The following PIK3CA variants were observed in gnomAD, a reference collection of about 807,000 sequenced individuals.
PIK3CA encodes the protein phosphatidylinositol 4,5-bisphosphate 3-kinase catalytic subunit alpha isoform.
A neutral mutation model predicts 138.2 loss-of-function variants in PIK3CA; 27 were observed. The ratio of observed to expected loss-of-function variants is 0.20; its 90% CI spans 0.14 to 0.27. The LOEUF (loss-of-function observed/expected upper bound fraction) is 0.27. Ranked by LOEUF, PIK3CA falls within the 10% of genes least tolerant of loss-of-function variation. The pLI, the probability that PIK3CA is intolerant of heterozygous loss-of-function variation, is 1.00. For missense variants in PIK3CA, 544 were observed against 1,277.4 expected (o/e 0.43, Z 8.75); for synonymous variants, 358 against 413.2 (o/e 0.87, Z 1.62).
At chr3:179,174,674 CTT>C (rs1723650987) in intron 1 of PIK3CA, among the ~76,000 whole-genome samples, 1 of 152,152 alleles carries the variant, frequency 6.6e-6, no homozygotes, top group African/African-American at 2.4e-5. Flanking sequence ...TTAGTTTTCT[CTT>C]ATAATTTTAA....
At chr3:179,193,656 C>G (rs1006565529) in intron 1 of PIK3CA, among the ~76,000 whole-genome samples, 2 of 152,216 alleles carry the variant, frequency 1.3e-5, no homozygotes, top group African/African-American at 4.8e-5. Context: ...ACACACTCTT[C>G]TAAGCAAATG....
At chr3:179,167,890 A>G (rs1045979593) in intron 1 of PIK3CA, among the ~76,000 whole-genome samples, 5 of 151,542 alleles carry the variant, frequency 3.3e-5, no homozygotes, top group Admixed American at 3.3e-4. Flanking sequence ...TCTTTTTTCT[A>G]TTGTGAAAAC....
chr3:179,162,108 T>C (rs1435654828), intron 1 of PIK3CA, among the ~76,000 whole-genome samples: 1 of 151,990 alleles, frequency 6.6e-6, no homozygotes, highest in Admixed American at 6.5e-5. Flanking sequence ...GAAATATACA[T>C]TTTATCTCTG....
chr3:179,219,682 GA>G lies in PIK3CA; in HGVS notation c.1863del (p.Lys621AsnfsTer3). The G allele has an allele frequency of 6.2e-7, 1 of 1,611,352 alleles. No homozygotes were observed. The highest frequency in any genetic ancestry group is 8.5e-7 in the Non-Finnish European group (1 of 1,178,024). On this transcript the variant is annotated frameshift_variant, in exon 12 of 21. Coordinates refer to ENST00000263967, the MANE Select transcript of PIK3CA (RefSeq NM_006218.4). LOFTEE classifies it high-confidence loss of function. The surrounding 1 kb of genome is among the most constrained non-coding windows in gnomAD (Gnocchi z 4.2). Reference protein sequence around the residue: ...MVRGFAVRCLEKYLTDDKLSQ... With the variant: ...MVRGFAVRCLXKYLTDDKLSQ... ...TCGAGGTTTTGCTGTTCGGTGCTTG[GA>G]AAAATATTTAACAGATGACAAACTT...
In PIK3CA at chr3:179,204,495, T is replaced by G. The variant is rs1724505158; in HGVS notation, c.1060-8T>G. On this transcript the variant is annotated splice_region_variant and splice_polypyrimidine_tract_variant and intron_variant, in intron 5 of 20. Coordinates refer to ENST00000263967, the MANE Select transcript of PIK3CA (RefSeq NM_006218.4). ...ATACATTAGTATATACCTACTTTTT[T>G]CTTTTAGATCTATGTTCGAACAGGT... The G allele has an allele frequency of 6.9e-7, 1 of 1,443,138 alleles. No individual in the cohort carries two copies. The highest frequency in any genetic ancestry group is 9.8e-7 in the Non-Finnish European group (1 of 1,025,496). The allele number at this position is 1,443,138 out of a possible 1,614,324, so 89.4% of individuals were successfully genotyped here. A position where few individuals can be genotyped will look rare whatever the true frequency, so the allele number is the denominator to read the frequency against.
At chr3:179,198,321 G>C (rs1724318845) in intron 1 of PIK3CA, among the ~76,000 whole-genome samples, 1 of 152,210 alleles carries the variant, frequency 6.6e-6, no homozygotes, top group African/African-American at 2.4e-5. Flanking sequence ...TTTAAAATAA[G>C]AGCAGTGGAC....
intron 1 of PIK3CA, among the ~76,000 whole-genome samples, chr3:179,179,880 C>T (rs768435402): frequency 9.2e-5 from 14 of 152,054 alleles, no homozygotes; most frequent in Non-Finnish European, 1.8e-4. Context: ...AGGGACTTTA[C>T]AGAAGCTACT....
chr3:179,225,395 G>T (rs956673537), intron 16 of PIK3CA, among the ~76,000 whole-genome samples: 1 of 152,082 alleles, frequency 6.6e-6, no homozygotes, highest in Non-Finnish European at 1.5e-5. Context: ...AAAGGCTATG[G>T]GGGGAGTGAA....
intron 15 of PIK3CA, 37 bp downstream of exon 15, chr3:179,224,224 A>G (rs202000440): frequency 2.7e-5 from 27 of 992,574 alleles, no homozygotes; most frequent in Non-Finnish European, 3.2e-5. Context: ...TATTTAAATA[A>G]ATACCTTTTC....
intron 1 of PIK3CA, chr3:179,149,498 T>C (rs1171757390): frequency 6.6e-6 from 1 of 152,198 alleles, no homozygotes; most frequent in East Asian, 1.9e-4. Flanking sequence ...TGAGACTGTT[T>C]ACATGGTTAA....
intron 1 of PIK3CA, among the ~76,000 whole-genome samples, chr3:179,189,516 G>T (rs1439421284): frequency 6.6e-6 from 1 of 151,242 alleles, no homozygotes; most frequent in Non-Finnish European, 1.5e-5. Context: ...CCCAACCTTG[G>T]TCACATTTAC....
At chr3:179,233,147 C>A (rs1382835250) in intron 20 of PIK3CA, 2 of 394,026 alleles carry the variant, frequency 5.1e-6, no homozygotes, top group Non-Finnish European at 8.9e-6. Context: ...AAATGAGCCA[C>A]CACACCTGGC....
In PIK3CA at chr3:179,166,072, TTAATCTTAGAGTAAAAGCCTGGC is replaced by T. The variant is rs1411959876; in HGVS notation, c.-77+17470_-77+17492del. 5.1e-4 allele frequency among the ~76,000 whole-genome samples: 77 copies of T among 152,268 alleles called. No homozygotes were observed. The East Asian group carries it at 0.014, about 28-fold the overall frequency. ...GGATGCCATATTTTAGATCTTTTATTTAATCTTAGAGTAAAAGCCTGGCACAAAATAATTGCATGCTAAATATT... is the reference window on the plus strand; with the variant it reads ...GGATGCCATATTTTAGATCTTTTATTACAAAATAATTGCATGCTAAATATT... On this transcript the variant is annotated intron_variant, in intron 1 of 20. Coordinates refer to ENST00000263967, the MANE Select transcript of PIK3CA (RefSeq NM_006218.4).
Position 179,201,634 on chromosome 3 carries a change from A to C in PIK3CA, c.813+94A>C, listed in dbSNP as rs1294017306. The C allele has an allele frequency of 8.9e-5, 69 of 777,240 alleles. 1 individual carries two copies. Among genetic ancestry groups the C allele is most frequent in the Admixed American group, 5.2e-4 (16 of 30,818 alleles). 48.1% of individuals were successfully genotyped at this position (777,240 alleles called of 1,614,324 possible). A position where few individuals can be genotyped will look rare whatever the true frequency, so the allele number is the denominator to read the frequency against. On this transcript the variant is annotated intron_variant, in intron 4 of 20. Coordinates refer to ENST00000263967, the MANE Select transcript of PIK3CA (RefSeq NM_006218.4). ...ATTTTTTTTTTTTTTTTGAGACGGAATCTCACTCTCGCCCAGGCTGGAGTG... is the reference window on the plus strand; with the variant it reads ...ATTTTTTTTTTTTTTTTGAGACGGACTCTCACTCTCGCCCAGGCTGGAGTG...
chr3:179,203,532 A>C lies in PIK3CA; in HGVS notation c.814-12A>C, dbSNP rs1382122789. 1 of 1,594,494 alleles carries C rather than the reference A, an allele frequency of 6.3e-7. No homozygotes were observed. Among genetic ancestry groups the C allele is most frequent in the Non-Finnish European group, 8.5e-7 (1 of 1,170,620 alleles). ...CTTACAGGAAATGGCTCGCCCCCTT[A>C]ATCTCTTACAGTATATAAGAAGCTG... On this transcript the variant is annotated splice_polypyrimidine_tract_variant and intron_variant, in intron 4 of 20. Coordinates refer to ENST00000263967, the MANE Select transcript of PIK3CA (RefSeq NM_006218.4).
intron 9 of PIK3CA, among the ~76,000 whole-genome samples, chr3:179,217,816 T>C (rs1013421229): frequency 2.0e-5 from 3 of 152,102 alleles, no homozygotes; most frequent in Non-Finnish European, 1.5e-5. Flanking sequence ...GTTTACATTT[T>C]TATCATTTTA....
chr3:179,184,219 C>T lies in PIK3CA; in HGVS notation c.-76-14531C>T, dbSNP rs184769362. Among the ~76,000 whole-genome samples, 270 of 152,322 alleles carry T rather than the reference C, an allele frequency of 1.8e-3. 1 individual carries two copies. The highest frequency in any genetic ancestry group is 6.4e-3 in the African/African-American group (265 of 41,586). On this transcript the variant is annotated intron_variant, in intron 1 of 20. Coordinates refer to ENST00000263967, the MANE Select transcript of PIK3CA (RefSeq NM_006218.4). The stretch of plus-strand genomic sequence containing the variant: ...AGTCCATTTACACCTTCTCCTTAGC[C>T]TATAAGTATTGGCAGAATCACCACC...
At chr3:179,151,448 T>A (rs1290534445) in intron 1 of PIK3CA, among the ~76,000 whole-genome samples, 12 of 152,226 alleles carry the variant, frequency 7.9e-5, no homozygotes, top group Admixed American at 7.8e-4. Context: ...TAATTTCCTT[T>A]ACATCATGAA....
chr3:179,203,640 A>G lies in PIK3CA; in HGVS notation c.910A>G (p.Met304Val), dbSNP rs754602413. The G allele has an allele frequency of 1.1e-5, 18 of 1,614,014 alleles. No homozygotes were observed. Among genetic ancestry groups the G allele is most frequent in the East Asian group, 2.2e-5 (1 of 44,868 alleles). ...TCAACTGCCAATGGACTGTTTTACA[A>G]TGCCATCTTATTCCAGACGCATTTC... ...YSQLPMDCFTMPSYSRRISTA... is the reference protein window; with the variant it reads ...YSQLPMDCFTVPSYSRRISTA... The change falls in exon 5 of 21, where the codon ATG becomes GTG. Residue 304 changes from methionine to valine, a missense_variant. Met to Val is a conservative substitution (Grantham distance 21). This residue lies in a region of PIK3CA where 234 missense variants were observed against 401.3 expected (regional missense o/e 0.58). Transcript: ENST00000263967.
Sources: gnomAD v4.1 joint callset for allele counts (sites outside exome capture counted in the v4.1 genomes callset) on GRCh38, gnomAD v4.1.1 for gene constraint, gnomAD v4.1.1 regional missense constraint, Gnocchi (gnomAD v3.1) non-coding constraint, MANE v1.5 for transcripts, NCBI Gene and HGNC (gene_info 2026-07-23, HGNC 2026-07-21) for gene names.